The following PAMR1 variants were observed in gnomAD, a reference collection of about 807,000 sequenced individuals.
The protein encoded by PAMR1 is peptidase domain containing associated with muscle regeneration 1.
PAMR1 carries 88 observed loss-of-function variants against 81.8 expected under a neutral mutation model. The ratio of observed to expected loss-of-function variants is 1.08; its 90% CI spans 0.91 to 1.28. PAMR1 has a LOEUF of 1.28. Among genes scored for constraint, PAMR1 ranks in the 50% most tolerant of loss-of-function variants. The probability of loss-of-function intolerance (pLI) is 0.00; values close to 1 mark genes in which losing one functional copy is unlikely to be tolerated. For synonymous variants in PAMR1, 336 were observed against 345.3 expected, an observed-to-expected ratio of 0.97 and a Z score of 0.30; for missense variants, 935 against 919.7, an observed-to-expected ratio of 1.02 and a Z score of -0.21.
chr11:35,475,797 C>G (rs1302856096), intron 3 of PAMR1, among the ~76,000 whole-genome samples: 1 of 152,168 alleles, frequency 6.6e-6, no homozygotes. Context: ...TTTGGACTAT[C>G]ATGGCAGAGT....
At chr11:35,442,258 G>A (rs1856186029) in intron 6 of PAMR1, among the ~76,000 whole-genome samples, 1 of 152,156 alleles carries the variant, frequency 6.6e-6, no homozygotes, top group South Asian at 2.1e-4. Context: ...TATAATTGTA[G>A]AGATACAATA....
upstream of PAMR1, among the ~76,000 whole-genome samples, chr11:35,529,147 A>G (rs188335614): frequency 2.4e-3 from 362 of 152,296 alleles, no homozygotes; most frequent in Non-Finnish European, 4.2e-3. Flanking sequence ...ATTGTTCTAA[A>G]TCAAGGATTC....
chr11:35,527,875 AC>A (rs531111869), upstream of PAMR1, among the ~76,000 whole-genome samples: 33 of 152,136 alleles, frequency 2.2e-4, no homozygotes, highest in African/African-American at 7.2e-4. Context: ...CTCCTAAACC[AC>A]CAGGGCCCAC....
intron 8 of PAMR1, among the ~76,000 whole-genome samples, chr11:35,437,005 T>C (rs756805705): frequency 2.3e-4 from 35 of 152,330 alleles, no homozygotes; most frequent in African/African-American, 7.2e-4. Flanking sequence ...ATTTAGCAAT[T>C]AGCAGGTGTA....
At chr11:35,513,716 C>G (rs377465221) in intron 1 of PAMR1, among the ~76,000 whole-genome samples, 80 of 152,312 alleles carry the variant, frequency 5.3e-4, no homozygotes, top group African/African-American at 1.9e-3. Flanking sequence ...CCCATGTTCT[C>G]ATTTACAACA....
rs1166594067 is a variant in PAMR1 at position 35,487,019 on chromosome 11, T to C, written c.379+5026A>G. Among the ~76,000 whole-genome samples the C allele has an allele frequency of 8.5e-5, 13 of 152,212 alleles. 1 individual carries two copies. The East Asian group carries it at 2.5e-3, about 29-fold the overall frequency. On this transcript the variant is annotated intron_variant, in intron 3 of 10. Coordinates refer to ENST00000619888, the MANE Select transcript of PAMR1 (RefSeq NM_001001991.3). ...GAGGCCTTATGTGCACCTGTGTGTT[T>C]GGCTTGACCTCTTGTGCTTCTGCGA...
At chr11:35,434,431 G>T in intron 10 of PAMR1, 81 bp downstream of exon 10, 1 of 1,389,700 alleles carries the variant, frequency 7.2e-7, no homozygotes, top group East Asian at 2.3e-5. Context: ...AGGGGACAGA[G>T]CTTGGTATAA....
At chr11:35,438,421 C>T (rs1163083433) in intron 8 of PAMR1, among the ~76,000 whole-genome samples, 1 of 152,168 alleles carries the variant, frequency 6.6e-6, no homozygotes, top group Non-Finnish European at 1.5e-5. Context: ...ATCCTTGAAA[C>T]AATCCCCAGA....
chr11:35,499,238 T>C (rs1850784096), intron 1 of PAMR1, among the ~76,000 whole-genome samples: 1 of 152,072 alleles, frequency 6.6e-6, no homozygotes, highest in African/African-American at 2.4e-5. Context: ...GCGAGGTATC[T>C]AGACATGGGG....
At chr11:35,446,797 A>G (rs1458397909) in intron 6 of PAMR1, among the ~76,000 whole-genome samples, 1 of 152,218 alleles carries the variant, frequency 6.6e-6, no homozygotes, top group African/African-American at 2.4e-5. Context: ...GGCACCAAGA[A>G]GAATGTTTAT....
intron 6 of PAMR1, among the ~76,000 whole-genome samples, chr11:35,462,196 G>T (rs780764831): frequency 3.3e-5 from 5 of 152,202 alleles, no homozygotes; most frequent in Non-Finnish European, 7.3e-5. Context: ...CAGATAACAT[G>T]ATGCTTTGAG....
chr11:35,495,959 C>G (rs910590022), intron 1 of PAMR1, among the ~76,000 whole-genome samples: 1 of 152,100 alleles, frequency 6.6e-6, no homozygotes, highest in Non-Finnish European at 1.5e-5. Context: ...AGAAAAGATC[C>G]TTACATTGGT....
chr11:35,498,809 G>A (rs988231909), intron 1 of PAMR1, among the ~76,000 whole-genome samples: 7 of 152,140 alleles, frequency 4.6e-5, no homozygotes, highest in Admixed American at 3.9e-4. Flanking sequence ...AGGCCTTCAC[G>A]TAAATGACGC....
chr11:35,521,369 A>G (rs1851273490), intron 1 of PAMR1, among the ~76,000 whole-genome samples: 1 of 152,102 alleles, frequency 6.6e-6, no homozygotes, highest in African/African-American at 2.4e-5. Flanking sequence ...TCTCCCTCTC[A>G]TTCCCCCTTC....
chr11:35,454,671 C>A (rs1362534840), intron 6 of PAMR1, among the ~76,000 whole-genome samples: 2 of 152,158 alleles, frequency 1.3e-5, no homozygotes, highest in Non-Finnish European at 2.9e-5. Flanking sequence ...AGTCTCACTC[C>A]TGGAGGGGAT....
chr11:35,467,335 A>G (rs908255275), intron 6 of PAMR1, among the ~76,000 whole-genome samples: 1 of 152,142 alleles, frequency 6.6e-6, no homozygotes, highest in Non-Finnish European at 1.5e-5. Context: ...CTGCTTTGGG[A>G]AAACCTACCT....
intron 1 of PAMR1, among the ~76,000 whole-genome samples, chr11:35,499,724 T>C (rs12285962): frequency 0.031 from 4,733 of 152,290 alleles, 256 homozygotes; most frequent in African/African-American, 0.11. Context: ...TTCTCTTTAC[T>C]CCAATGAGCA....
intron 3 of PAMR1, among the ~76,000 whole-genome samples, chr11:35,488,077 C>T (rs1048082146): frequency 6.6e-6 from 1 of 152,132 alleles, no homozygotes; most frequent in Non-Finnish European, 1.5e-5. Context: ...AAGTTCTTCT[C>T]CTTCAGGATA....
At chr11:35,529,285 C>T (rs373186293), upstream of PAMR1, among the ~76,000 whole-genome samples, 35 of 152,196 alleles carry the variant, frequency 2.3e-4, no homozygotes, top group African/African-American at 7.9e-4. Context: ...TTGCAAACTC[C>T]CAACTTTTTT....
Sources: allele counts gnomAD v4.1 joint callset (sites outside exome capture counted in the v4.1 genomes callset), GRCh38; gene constraint gnomAD v4.1.1; transcripts MANE v1.5; gene names NCBI Gene and HGNC (gene_info 2026-07-23, HGNC 2026-07-21).